Variants in RGPD4 observed in about 807,000 individuals in gnomAD.
RGPD4 encodes the protein RANBP2 like and GRIP domain containing 4.
A neutral mutation model predicts 141.1 loss-of-function variants in RGPD4; 84 were observed. The observed-to-expected ratio is 0.60, with a 90% CI of 0.50 to 0.71. The LOEUF (loss-of-function observed/expected upper bound fraction) is 0.71, where lower values mean the gene tolerates loss of function less well. Among genes scored for constraint, RGPD4 ranks in the 30% least tolerant of loss-of-function variants. RGPD4 has a pLI of 0.00. For synonymous variants in RGPD4, 298 were observed against 566.8 expected (o/e 0.53, Z 6.74); for missense variants, 918 against 1,622.4 (o/e 0.57, Z 7.46).
At chr2:107,888,608 G>T (rs1248425765) in intron 22 of RGPD4, among the ~76,000 whole-genome samples, 1 of 151,512 alleles carries the variant, frequency 6.6e-6, no homozygotes, top group Non-Finnish European at 1.5e-5. Flanking sequence ...CCCCTTCAGA[G>T]CCAGTAGGCT....
intron 6 of RGPD4, among the ~76,000 whole-genome samples, chr2:107,846,259 C>T (rs1220624118): frequency 2.0e-5 from 3 of 150,596 alleles, no homozygotes; most frequent in African/African-American, 7.4e-5. Context: ...ATCTGTCTAC[C>T]TTGGCCTCCC....
rs1349356701 is a variant in RGPD4, at chr2:107,891,317, A to G, written c.*586A>G. Among the ~76,000 whole-genome samples the G allele has an allele frequency of 8.6e-6, 1 of 115,760 alleles. No individual in the cohort carries two copies. The highest frequency in any genetic ancestry group is 1.8e-5 in the Non-Finnish European group (1 of 54,942). The allele number at this position is 115,760 out of a possible 152,430, so 75.9% of individuals were successfully genotyped here. On this transcript the variant is annotated 3_prime_UTR_variant, in exon 23 of 23. Coordinates refer to ENST00000408999, the MANE Select transcript of RGPD4 (RefSeq NM_182588.3). The stretch of plus-strand genomic sequence containing the variant: ...GCGAGACCTTGTCTCTAAAAATAAT[A>G]ATAGTAATAAAAATAACATTTTATG...
intron 8 of RGPD4, 105 bp downstream of exon 8, chr2:107,854,748 A>C: frequency 1.3e-6 from 2 of 1,520,390 alleles, no homozygotes; most frequent in Non-Finnish European, 1.8e-6. Context: ...ATTTGTCAAA[A>C]TTATTTCTTT....
intron 20 of RGPD4, among the ~76,000 whole-genome samples, chr2:107,879,737 T>C (rs1479985481): frequency 5.1e-5 from 7 of 137,110 alleles, no homozygotes; most frequent in Non-Finnish European, 9.2e-5. Context: ...CTGGGACTCA[T>C]AGGGCTTGTA....
intron 1 of RGPD4, among the ~76,000 whole-genome samples, chr2:107,833,764 C>A (rs556806661): frequency 4.6e-5 from 7 of 152,186 alleles, no homozygotes; most frequent in African/African-American, 1.7e-4. Context: ...ACTGGCCGGG[C>A]TCCGTGGCTG....
chr2:107,884,540 G>A (rs1281332903), intron 22 of RGPD4, among the ~76,000 whole-genome samples: 1 of 147,712 alleles, frequency 6.8e-6, no homozygotes, highest in Non-Finnish European at 1.5e-5. Flanking sequence ...CACTGAGCTT[G>A]TTCCAATTGC....
chr2:107,888,895 G>C (rs530396434), intron 22 of RGPD4, among the ~76,000 whole-genome samples: 1 of 142,232 alleles, frequency 7.0e-6, no homozygotes, highest in Non-Finnish European at 1.5e-5. Flanking sequence ...GCAGCCCTGT[G>C]AGAGACCTTG....
At chr2:107,830,343 TA>T (rs10547790) in intron 1 of RGPD4, among the ~76,000 whole-genome samples, 14,975 of 140,416 alleles carry the variant, frequency 0.11, 1,000 homozygotes, top group African/African-American at 0.18. Context: ...TAAACAAGCT[TA>T]AAAAAAAAAA....
intron 21 of RGPD4, among the ~76,000 whole-genome samples, chr2:107,882,158 G>C (rs1236510702): frequency 1.3e-5 from 2 of 151,866 alleles, no homozygotes; most frequent in Non-Finnish European, 2.9e-5. Context: ...CTGTGCTTCT[G>C]AGACAAGAAC....
At chr2:107,844,974 C>T (rs1477726922) in intron 6 of RGPD4, among the ~76,000 whole-genome samples, 1 of 139,280 alleles carries the variant, frequency 7.2e-6, no homozygotes, top group Non-Finnish European at 1.5e-5. Flanking sequence ...TAGCTGGGAC[C>T]ACAGGCGCAC....
intron 22 of RGPD4, among the ~76,000 whole-genome samples, chr2:107,888,586 G>A (rs1178451766): frequency 6.6e-6 from 1 of 151,700 alleles, no homozygotes; most frequent in Non-Finnish European, 1.5e-5. Context: ...TCATGCCTTT[G>A]TATAATCTCT....
chr2:107,874,344 G>A (rs1055791198), intron 20 of RGPD4, among the ~76,000 whole-genome samples: 20 of 149,784 alleles, frequency 1.3e-4, no homozygotes, highest in Middle Eastern at 3.4e-3. Flanking sequence ...ATGTTGCACC[G>A]ATCAATTTTA....
chr2:107,831,762 G>A (rs1323578900), intron 1 of RGPD4, among the ~76,000 whole-genome samples: 3 of 146,318 alleles, frequency 2.1e-5, no homozygotes, highest in East Asian at 2.0e-4. Flanking sequence ...TAGTAGAGAC[G>A]GGGTTTCACC....
intron 21 of RGPD4, among the ~76,000 whole-genome samples, chr2:107,882,437 A>G (rs1675391455): frequency 6.6e-6 from 1 of 151,174 alleles, no homozygotes; most frequent in African/African-American, 2.4e-5. Context: ...CTTTGAAACT[A>G]TCTCATAGTT....
chr2:107,886,167 AT>A (rs1675505814), intron 22 of RGPD4, among the ~76,000 whole-genome samples: 1 of 143,118 alleles, frequency 7.0e-6, no homozygotes, highest in Admixed American at 7.0e-5. Flanking sequence ...GTTTTTACTA[AT>A]CGAAGTTCTA....
chr2:107,828,326 C>T (rs868857228), intron 1 of RGPD4, among the ~76,000 whole-genome samples: 9 of 13,790 alleles, frequency 6.5e-4, no homozygotes, highest in South Asian at 4.9e-3. Flanking sequence ...GGCCTCGACC[C>T]GGCCCGGCGG....
chr2:107,845,786 G>A (rs1386170476), intron 6 of RGPD4, among the ~76,000 whole-genome samples: 12 of 152,098 alleles, frequency 7.9e-5, no homozygotes, highest in Non-Finnish European at 1.2e-4. Context: ...GGATGGTCTC[G>A]ATCTCCTGAC....
chr2:107,886,332 A>G (rs1334560875), intron 22 of RGPD4, among the ~76,000 whole-genome samples: 2 of 108,218 alleles, frequency 1.8e-5, no homozygotes, highest in Non-Finnish European at 3.8e-5. Flanking sequence ...TTCTAGTCAC[A>G]TAAGAGTAAA....
Position 107,826,986 on chromosome 2 carries a change from G to T in RGPD4, c.-28G>T. 6.3e-7 allele frequency: 1 copy of T among 1,588,566 alleles called. No individual in the cohort carries two copies. Among genetic ancestry groups the T allele is most frequent in the African/African-American group, 1.3e-5 (1 of 74,576 alleles). On this transcript the variant is annotated 5_prime_UTR_variant, in exon 1 of 23. Transcript: ENST00000408999. ...CTGCGGGGCTGAGCGCTGGTTTCAC[G>T]CGTCTCGGGAGCCAGGTTGGTGGCG...
Sources: gnomAD v4.1 joint callset for allele counts (sites outside exome capture counted in the v4.1 genomes callset) on GRCh38, gnomAD v4.1.1 for gene constraint, MANE v1.5 for transcripts, NCBI Gene and HGNC (gene_info 2026-07-23, HGNC 2026-07-21) for gene names.